Variants in VPS13B observed in about 807,000 individuals in gnomAD.
VPS13B encodes intermembrane lipid transfer protein VPS13B.
In VPS13B, 285 loss-of-function variants were observed where a neutral mutation model predicts 426.4. That is an observed-to-expected ratio of 0.67 (90% CI 0.61 to 0.74). The LOEUF is 0.74. Ranked by LOEUF, VPS13B falls within the 30% of genes least tolerant of loss-of-function variation. The pLI is 0.00. For synonymous variants in VPS13B, 1,676 were observed against 1,676.4 expected (o/e 1.00, Z 0.01); for missense variants, 4,537 against 4,782.6 (o/e 0.95, Z 1.51).
intron 39 of VPS13B, among the ~76,000 whole-genome samples, chr8:99,740,061 C>CT (rs1442597502): frequency 6.6e-6 from 1 of 152,006 alleles, no homozygotes; most frequent in Non-Finnish European, 1.5e-5. Context: ...GGCACAGAAG[C>CT]TAAAAACCTT....
chr8:99,371,311 A>T (rs1813166864), intron 19 of VPS13B, among the ~76,000 whole-genome samples: 1 of 152,128 alleles, frequency 6.6e-6, no homozygotes, highest in African/African-American at 2.4e-5. Flanking sequence ...AAAGGTATTA[A>T]CTTTATAGAT....
intron 23 of VPS13B, among the ~76,000 whole-genome samples, chr8:99,464,935 C>T (rs749070502): frequency 6.6e-6 from 1 of 152,146 alleles, no homozygotes; most frequent in Non-Finnish European, 1.5e-5. Flanking sequence ...AAGAGATTCT[C>T]AATCTTCCTG....
intron 19 of VPS13B, among the ~76,000 whole-genome samples, chr8:99,331,397 T>C (rs181517468): frequency 1.3e-5 from 2 of 151,910 alleles, no homozygotes; most frequent in East Asian, 1.9e-4. Flanking sequence ...ACACTACTTA[T>C]AGACTACTTC....
chr8:99,853,405 A>C (rs368987473), intron 55 of VPS13B, 46 bp from the exon 56 acceptor site: 654 of 1,598,922 alleles, frequency 4.1e-4, no homozygotes, highest in Non-Finnish European at 5.3e-4. Flanking sequence ...AGAGAGAAAG[A>C]AAAGGTGAGT....
chr8:99,843,415 CA>C (rs1280874059), intron 54 of VPS13B, among the ~76,000 whole-genome samples: 1 of 152,138 alleles, frequency 6.6e-6, no homozygotes, highest in African/African-American at 2.4e-5. Flanking sequence ...ACACACAGAA[CA>C]AATCTTCCCC....
chr8:99,462,144 CTCTCCCTTCCTCCCTCCCTT>C, intron 23 of VPS13B, among the ~76,000 whole-genome samples: 1 of 149,984 alleles, frequency 6.7e-6, no homozygotes. Flanking sequence ...CCTTTCCTAA[CTCTCCCTTCCTCCCTCCCTT>C]TCTCCCTCCC....
At chr8:99,406,686 C>G (rs1037015951) in intron 21 of VPS13B, among the ~76,000 whole-genome samples, 1 of 152,192 alleles carries the variant, frequency 6.6e-6, no homozygotes, top group Admixed American at 6.5e-5. Flanking sequence ...GTGTTCTCCA[C>G]TCTGTGCTAG....
chr8:99,790,168 G>A (rs1253128017), intron 43 of VPS13B, among the ~76,000 whole-genome samples: 1 of 151,916 alleles, frequency 6.6e-6, no homozygotes, highest in African/African-American at 2.4e-5. Flanking sequence ...TAACAGTTTT[G>A]CCCTGTTTTA....
intron 23 of VPS13B, among the ~76,000 whole-genome samples, chr8:99,467,027 T>G (rs866672166): frequency 6.6e-6 from 1 of 152,162 alleles, no homozygotes; most frequent in Non-Finnish European, 1.5e-5. Context: ...CTCAAAGTTC[T>G]TGGAGGCTAC....
chr8:99,376,621 G>A (rs1279693828), intron 19 of VPS13B, among the ~76,000 whole-genome samples: 2 of 151,880 alleles, frequency 1.3e-5, no homozygotes, highest in Non-Finnish European at 2.9e-5. Flanking sequence ...AAATAAAATG[G>A]TGTACCAATC....
At chr8:99,082,430 G>A (rs1414897938) in intron 3 of VPS13B, among the ~76,000 whole-genome samples, 1 of 152,102 alleles carries the variant, frequency 6.6e-6, no homozygotes, top group East Asian at 1.9e-4. Context: ...CACTCTGATG[G>A]TGGTTTCTTT....
intron 17 of VPS13B, among the ~76,000 whole-genome samples, chr8:99,273,863 T>A (rs1274103597): frequency 1.3e-5 from 2 of 152,146 alleles, no homozygotes; most frequent in African/African-American, 4.8e-5. Flanking sequence ...TAAATTTGTT[T>A]CAAAAAGAAA....
chr8:99,315,728 C>T (rs1809611043), intron 19 of VPS13B, among the ~76,000 whole-genome samples: 1 of 151,962 alleles, frequency 6.6e-6, no homozygotes. Flanking sequence ...GCTCCGCCTC[C>T]CGGGTTCATG....
chr8:99,604,915 TCTC>T (rs1426053508), intron 33 of VPS13B, among the ~76,000 whole-genome samples: 1 of 152,256 alleles, frequency 6.6e-6, no homozygotes, highest in Non-Finnish European at 1.5e-5. Flanking sequence ...ATTTGTCTAT[TCTC>T]CTTCATATAG....
At chr8:99,207,109 AT>A (rs1200773845) in intron 17 of VPS13B, among the ~76,000 whole-genome samples, 2 of 152,182 alleles carry the variant, frequency 1.3e-5, no homozygotes, top group African/African-American at 2.4e-5. Context: ...TATTTATTGA[AT>A]TTAAAGTTTC....
chr8:99,868,657 T>C (rs562389321), intron 59 of VPS13B, among the ~76,000 whole-genome samples, 192 bp downstream of exon 59: 3 of 152,234 alleles, frequency 2.0e-5, no homozygotes, highest in Non-Finnish European at 4.4e-5. Flanking sequence ...AACCAGTTAC[T>C]AGTTTCAGTC....
At chr8:99,589,876 C>CTG in intron 33 of VPS13B, among the ~76,000 whole-genome samples, 1 of 152,262 alleles carries the variant, frequency 6.6e-6, no homozygotes, top group African/African-American at 2.4e-5. Flanking sequence ...AGGATTCCCT[C>CTG]TTTTTCTATT....
Position 99,142,987 on chromosome 8 carries a change from A to T in VPS13B, c.1665A>T (p.Gln555His), listed in dbSNP as rs1459744373. 6.2e-7 allele frequency: 1 copy of T among 1,613,510 alleles called. No homozygotes were observed. The highest frequency in any genetic ancestry group is 1.1e-5 in the South Asian group (1 of 90,912). The change falls in exon 13 of 62, where the codon CAA (glutamine) becomes CAT (histidine). Residue 555 changes from glutamine to histidine, a missense_variant. Coordinates refer to ENST00000357162, the MANE Select transcript of VPS13B (RefSeq NM_152564.5). ...GACTTCTTTTAGGTTCCACAAATCA[A>T]CAAGACTTTTCTTCAGGGAAAAGTG... ...ENTSGKGSTN[Q>H]QDFSSGKSED...
chr8:99,742,245 G>A (rs1268069804), intron 39 of VPS13B, among the ~76,000 whole-genome samples: 6 of 152,002 alleles, frequency 3.9e-5, no homozygotes, highest in South Asian at 2.1e-4. Flanking sequence ...TAAATTCCTC[G>A]ACACATACAC....
Sources: allele counts gnomAD v4.1 joint callset (sites outside exome capture counted in the v4.1 genomes callset), GRCh38; gene constraint gnomAD v4.1.1; transcripts MANE v1.5; gene names NCBI Gene and HGNC (gene_info 2026-07-23, HGNC 2026-07-21).